Variants in FAM13C observed in about 807,000 individuals in gnomAD.
The protein encoded by FAM13C is family with sequence similarity 13 member C.
In FAM13C, 37 loss-of-function variants were observed where a neutral mutation model predicts 73.2. The observed-to-expected ratio is 0.51, with a 90% confidence interval of 0.39 to 0.67. FAM13C has a LOEUF of 0.67. Among genes scored for constraint, FAM13C ranks in the 30% least tolerant of loss-of-function variants. FAM13C has a pLI of 0.00. For synonymous variants in FAM13C, 246 were observed against 260.9 expected (o/e 0.94, Z 0.55); for missense variants, 589 against 715.6 (o/e 0.82, Z 2.02).
intron 13 of FAM13C, 26 bp downstream of exon 13, chr10:59,251,549 T>C (rs776799663): frequency 1.9e-6 from 3 of 1,598,766 alleles, no homozygotes; most frequent in Non-Finnish European, 2.6e-6. Context: ...AGTATTAGCT[T>C]TAAAAATCTC....
At chr10:59,320,828 G>T (rs1003913406) in intron 4 of FAM13C, among the ~76,000 whole-genome samples, 1 of 152,202 alleles carries the variant, frequency 6.6e-6, no homozygotes, top group Non-Finnish European at 1.5e-5. Flanking sequence ...CTCCATTTAG[G>T]TTATAGTTCA....
intron 1 of FAM13C, among the ~76,000 whole-genome samples, chr10:59,357,359 T>C (rs1855852445): frequency 6.6e-6 from 1 of 152,210 alleles, no homozygotes; most frequent in African/African-American, 2.4e-5. Flanking sequence ...ACCACTGAGA[T>C]CTTTTTGATT....
chr10:59,302,770 T>C (rs998325646), intron 5 of FAM13C, 31 bp downstream of exon 5: 2 of 1,595,446 alleles, frequency 1.3e-6, no homozygotes, highest in Non-Finnish European at 1.7e-6. Flanking sequence ...GGCTAATTCA[T>C]GTTCTTATAA....
chr10:59,256,346 T>G (rs545226349), intron 10 of FAM13C, among the ~76,000 whole-genome samples: 3 of 152,232 alleles, frequency 2.0e-5, no homozygotes, highest in Non-Finnish European at 4.4e-5. Flanking sequence ...AATTTGATTT[T>G]TGTGATTTGA....
chr10:59,344,432 C>A (rs545444603), intron 3 of FAM13C, among the ~76,000 whole-genome samples: 2 of 140,792 alleles, frequency 1.4e-5, no homozygotes, highest in Non-Finnish European at 3.1e-5. Context: ...GCGCCCGCCA[C>A]CACGCACGGC....
intron 5 of FAM13C, among the ~76,000 whole-genome samples, chr10:59,286,465 A>G (rs1388386852): frequency 6.7e-6 from 1 of 149,052 alleles, no homozygotes; most frequent in Non-Finnish European, 1.5e-5. Flanking sequence ...CAGTGAGCTG[A>G]GATTGTACCA....
chr10:59,267,091 C>T (rs1338285138), intron 8 of FAM13C, among the ~76,000 whole-genome samples: 2 of 152,118 alleles, frequency 1.3e-5, no homozygotes, highest in Non-Finnish European at 2.9e-5. Context: ...CTTAAGTAGC[C>T]GTGCTGGATT....
intron 10 of FAM13C, among the ~76,000 whole-genome samples, chr10:59,260,633 T>C (rs1195629516): frequency 1.3e-5 from 2 of 152,186 alleles, no homozygotes; most frequent in African/African-American, 2.4e-5. Context: ...CTTATCAACA[T>C]TTTTAATGAT....
intron 3 of FAM13C, among the ~76,000 whole-genome samples, chr10:59,329,040 A>G (rs1851566159): frequency 6.6e-6 from 1 of 152,164 alleles, no homozygotes; most frequent in Admixed American, 6.5e-5. Flanking sequence ...AAAAGAAGCT[A>G]TTGGACTATT....
In FAM13C at chr10:59,362,508, TTA is replaced by T. The variant is rs1178590879; in HGVS notation, c.-50_-49del. 7.0e-4 allele frequency: 1,116 copies of T among 1,601,430 alleles called. 7 individuals carry two copies. In the African/African-American group the frequency reaches 0.013, roughly 19 times the overall value. Reference sequence around the variant, plus strand: ...CGTCTCCCTGATTGCTCTCCGGGAGTTAGAGCACATACACAAACATGGCATTG... The same window carrying T: ...CGTCTCCCTGATTGCTCTCCGGGAGTGAGCACATACACAAACATGGCATTG... On this transcript the variant is annotated 5_prime_UTR_variant, in exon 1 of 14. The change abolishes the stop of an existing upstream ORF in the 5' untranslated region. Transcript: ENST00000618804.
At chr10:59,321,958 T>C (rs1480581535) in intron 4 of FAM13C, among the ~76,000 whole-genome samples, 1 of 152,198 alleles carries the variant, frequency 6.6e-6, no homozygotes, top group Non-Finnish European at 1.5e-5. Context: ...TTACAACTGC[T>C]GAGACTTAGC....
intron 5 of FAM13C, chr10:59,283,779 G>A (rs575415465): frequency 3.9e-6 from 2 of 515,910 alleles, no homozygotes; most frequent in East Asian, 5.8e-5. Flanking sequence ...CGCTGCATCT[G>A]GAGAACCAAT....
chr10:59,359,938 G>C (rs1020444336), intron 1 of FAM13C, among the ~76,000 whole-genome samples: 1 of 152,210 alleles, frequency 6.6e-6, no homozygotes, highest in African/African-American at 2.4e-5. Flanking sequence ...TGTCACGATT[G>C]ACCATGGAAA....
intron 5 of FAM13C, among the ~76,000 whole-genome samples, chr10:59,287,880 A>C (rs1426470031): frequency 2.0e-5 from 3 of 152,202 alleles, no homozygotes; most frequent in Non-Finnish European, 4.4e-5. Flanking sequence ...CACTACACTG[A>C]CACTGAGGCC....
At chr10:59,301,983 G>A (rs74153324) in intron 5 of FAM13C, among the ~76,000 whole-genome samples, 4,166 of 151,828 alleles carry the variant, frequency 0.027, 173 homozygotes, top group African/African-American at 0.095. Context: ...GAGAGGAAGA[G>A]GAGGAAGGGA....
chr10:59,294,078 A>C (rs1564538339), intron 5 of FAM13C, among the ~76,000 whole-genome samples: 1 of 152,220 alleles, frequency 6.6e-6, no homozygotes, highest in Non-Finnish European at 1.5e-5. Context: ...ACAAAATGAA[A>C]ATTTTAAGAA....
intron 6 of FAM13C, among the ~76,000 whole-genome samples, 175 bp downstream of exon 6, chr10:59,283,188 C>G (rs1845130404): frequency 6.6e-6 from 1 of 152,158 alleles, no homozygotes; most frequent in Non-Finnish European, 1.5e-5. Context: ...TATAGCAAAT[C>G]CCAATCCTTC....
intron 5 of FAM13C, chr10:59,300,995 T>C (rs1847537589): frequency 6.6e-6 from 1 of 152,236 alleles, no homozygotes; most frequent in Admixed American, 6.5e-5. Flanking sequence ...CCATAGAGAC[T>C]CTGTCGCCTA....
chr10:59,349,594 T>C (rs1463169898), intron 3 of FAM13C, among the ~76,000 whole-genome samples: 1 of 146,136 alleles, frequency 6.8e-6, no homozygotes, highest in Admixed American at 6.8e-5. Flanking sequence ...CCATCTCTAC[T>C]AAAAATACAA....
Sources: allele counts gnomAD v4.1 joint callset (sites outside exome capture counted in the v4.1 genomes callset), GRCh38; gene constraint gnomAD v4.1.1; transcripts MANE v1.5; gene names NCBI Gene and HGNC (gene_info 2026-07-23, HGNC 2026-07-21).